The following MGST1 variants were observed in gnomAD, a reference collection of about 807,000 sequenced individuals.
MGST1 encodes the protein glutathione S-transferase 12.
Under a neutral mutation model 8.9 loss-of-function variants are expected in MGST1, and 5 were observed. That is an observed-to-expected ratio of 0.56 (90% CI 0.29 to 1.19). The LOEUF (loss-of-function observed/expected upper bound fraction) is 1.19, where lower values mean the gene tolerates loss of function less well. Ranked by LOEUF, MGST1 falls within the 50% of genes most tolerant of loss-of-function variation. The pLI, the probability that MGST1 is intolerant of heterozygous loss-of-function variation, is 0.08. For missense variants in MGST1, 182 were observed against 187.4 expected (o/e 0.97, Z 0.17); for synonymous variants, 54 against 67.8 (o/e 0.80, Z 1.00).
chr12:16,369,658 CA>C lies in MGST1; in HGVS notation c.222-6462del, dbSNP rs1382401490. On this transcript the variant is annotated intron_variant, in intron 3 of 3. Coordinates refer to the MGST1 transcript ENST00000535309. The surrounding 1 kb of genome is among the most constrained non-coding windows in gnomAD (Gnocchi z 4.8). ...ATTTCCTGCAACTGCTTTTGTGTCACAATGGCAGAGTGGCGTAGTTGAATTG... is the reference window on the plus strand; with the variant it reads ...ATTTCCTGCAACTGCTTTTGTGTCACATGGCAGAGTGGCGTAGTTGAATTG... 2.0e-5 allele frequency: 3 copies of C among 152,130 alleles called. No homozygotes were observed. The highest frequency in any genetic ancestry group is 1.3e-4 in the Admixed American group (2 of 15,270). 9.4% of individuals were successfully genotyped at this position (152,130 alleles called of 1,614,324 possible).
chr12:16,386,526 C>G (rs982724690), intron 1 of MGST1, among the ~76,000 whole-genome samples: 1 of 152,190 alleles, frequency 6.6e-6, no homozygotes, highest in African/African-American at 2.4e-5. Context: ...AGCCTACTCT[C>G]AATACTGAGA....
In MGST1 at chr12:16,384,942, G is replaced by T. The variant is rs138658359; in HGVS notation, n.778+1338G>T. ...GTAGTGAGGGATAACTCTAGCTGGG[G>T]TTACAGCAGAGACTATAGGTGGAGT... On this transcript the variant is annotated intron_variant and non_coding_transcript_variant, in intron 1 of 1. Transcript: ENST00000359720. 2.3e-3 allele frequency among the ~76,000 whole-genome samples: 351 copies of T among 152,350 alleles called. 1 individual carries two copies. Among genetic ancestry groups the T allele is most frequent in the African/African-American group, 8.3e-3 (347 of 41,582 alleles).
At chr12:16,399,929 C>G (rs551228022) in intron 1 of MGST1, 2 of 1,295,602 alleles carry the variant, frequency 1.5e-6, no homozygotes, top group Non-Finnish European at 2.2e-6. Flanking sequence ...AATGTCACCA[C>G]AAAAGGTGGC....
At chr12:16,523,725 A>T (rs1339097654) in intron 4 of MGST1, among the ~76,000 whole-genome samples, 1 of 152,124 alleles carries the variant, frequency 6.6e-6, no homozygotes, top group Non-Finnish European at 1.5e-5. Context: ...GTTGTAAAGA[A>T]GATGAGTAAT....
chr12:16,374,745 A>G (rs1225499214), intron 3 of MGST1, among the ~76,000 whole-genome samples: 1 of 152,170 alleles, frequency 6.6e-6, no homozygotes, highest in African/African-American at 2.4e-5. Context: ...GATTAACACA[A>G]TAGATTATTA....
rs1170092319 is a variant in MGST1 at position 16,586,571 on chromosome 12, G to A, written n.483-2957G>A. Among the ~76,000 whole-genome samples, 1 of 152,178 alleles carries A rather than the reference G, an allele frequency of 6.6e-6. No homozygotes were observed. Among genetic ancestry groups the A allele is most frequent in the Non-Finnish European group, 1.5e-5 (1 of 68,028 alleles). On this transcript the variant is annotated intron_variant and non_coding_transcript_variant, in intron 4 of 4. Coordinates refer to the MGST1 transcript ENST00000538857. This position sits in a 1 kb window ranked among gnomAD's most constrained non-coding sequence, Gnocchi z 4.3. ...GCCAACTGAATTCTGGAGGACATAT[G>A]CAAAGACACTGCATTTCATCTTTGG...
At chr12:16,580,225 C>G (rs542112963) in intron 4 of MGST1, among the ~76,000 whole-genome samples, 1 of 152,272 alleles carries the variant, frequency 6.6e-6, no homozygotes, top group South Asian at 2.1e-4. Context: ...CTCAATCTCC[C>G]TAGTAGCTTA....
intron 1 of MGST1, among the ~76,000 whole-genome samples, chr12:16,414,062 CAAA>C (rs775074092): frequency 2.4e-5 from 3 of 124,682 alleles, no homozygotes; most frequent in African/African-American, 7.9e-5. Context: ...TGGTTTTATA[CAAA>C]AAAAAAAATA....
At chr12:16,507,063 G>A (rs964078940) in intron 4 of MGST1, among the ~76,000 whole-genome samples, 1 of 152,046 alleles carries the variant, frequency 6.6e-6, no homozygotes, top group African/African-American at 2.4e-5. Flanking sequence ...ATTTGTGGAA[G>A]TACATAGGAG....
intron 4 of MGST1, among the ~76,000 whole-genome samples, chr12:16,474,476 A>G (rs149945470): frequency 6.6e-6 from 1 of 152,226 alleles, no homozygotes; most frequent in Non-Finnish European, 1.5e-5. Context: ...TATCAATACC[A>G]AAGCAGACTT....
intron 4 of MGST1, among the ~76,000 whole-genome samples, chr12:16,553,030 AG>A (rs1942049731): frequency 6.6e-6 from 1 of 152,164 alleles, no homozygotes; most frequent in African/African-American, 2.4e-5. Flanking sequence ...GGCAAGGAGT[AG>A]AAATGAAATA....
At chr12:16,400,273 A>T in intron 1 of MGST1, 1 of 812,178 alleles carries the variant, frequency 1.2e-6, no homozygotes, top group Non-Finnish European at 2.2e-6. Flanking sequence ...AAAATGCAAG[A>T]CAATAATCAT....
At chr12:16,530,264 T>G (rs1941713969) in intron 4 of MGST1, among the ~76,000 whole-genome samples, 1 of 152,138 alleles carries the variant, frequency 6.6e-6, no homozygotes, top group South Asian at 2.1e-4. Flanking sequence ...ATAATACTAT[T>G]GGTGTGTTCT....
At chr12:16,488,514 A>G (rs1335158597) in intron 4 of MGST1, among the ~76,000 whole-genome samples, 1 of 152,104 alleles carries the variant, frequency 6.6e-6, no homozygotes, top group African/African-American at 2.4e-5. Flanking sequence ...TAGTTTTCAA[A>G]TGTCAGATCA....
intron 4 of MGST1, among the ~76,000 whole-genome samples, chr12:16,474,134 T>G (rs770090441): frequency 6.6e-6 from 1 of 152,222 alleles, no homozygotes; most frequent in African/African-American, 2.4e-5. Context: ...ATGACATTCC[T>G]TGTGTAATAC....
chr12:16,521,888 A>T (rs953814456), intron 4 of MGST1, among the ~76,000 whole-genome samples: 3 of 152,110 alleles, frequency 2.0e-5, no homozygotes, highest in African/African-American at 7.2e-5. Flanking sequence ...CCATTCCGAG[A>T]ACACTATTGT....
In MGST1 at chr12:16,405,559, A is replaced by C. The variant is rs142107197; in HGVS notation, n.778+21955A>C. On this transcript the variant is annotated intron_variant and non_coding_transcript_variant, in intron 1 of 1. Transcript: ENST00000359720. ...AGGAGGAGGGACTCCTCTCCAACTC[A>C]TTCTATGAATCCAGCATCATCTTGA... 2.5e-3 allele frequency among the ~76,000 whole-genome samples: 377 copies of C among 152,348 alleles called. 3 individuals carry two copies. Among genetic ancestry groups the C allele is most frequent in the African/African-American group, 8.9e-3 (370 of 41,596 alleles).
At chr12:16,373,323 C>A (rs1051269583) in intron 3 of MGST1, among the ~76,000 whole-genome samples, 5 of 151,342 alleles carry the variant, frequency 3.3e-5, no homozygotes, top group African/African-American at 1.2e-4. Context: ...TGGAAGGAAT[C>A]GATCTAGTGT....
chr12:16,576,911 C>T lies in MGST1; in HGVS notation n.483-12617C>T, dbSNP rs111508443. Among the ~76,000 whole-genome samples, 1 of 152,294 alleles carries T rather than the reference C, an allele frequency of 6.6e-6. No homozygotes were observed. The highest frequency in any genetic ancestry group is 2.4e-5 in the African/African-American group (1 of 41,572). On this transcript the variant is annotated intron_variant and non_coding_transcript_variant, in intron 4 of 4. Coordinates refer to the MGST1 transcript ENST00000538857. This position sits in a 1 kb window ranked among gnomAD's most constrained non-coding sequence, Gnocchi z 4.1. ...AGAAATGATTATACCACCCTCCCCA[C>T]GTTCTTTCCTAAACTATCTATTTTA...
Sources: gnomAD v4.1 joint callset for allele counts (sites outside exome capture counted in the v4.1 genomes callset) on GRCh38, gnomAD v4.1.1 for gene constraint, Gnocchi (gnomAD v3.1) non-coding constraint, MANE v1.5 for transcripts, NCBI Gene and HGNC (gene_info 2026-07-23, HGNC 2026-07-21) for gene names.